Variants in SLC9B2 observed in about 807,000 individuals in gnomAD.
SLC9B2 encodes the protein solute carrier family 9 member B2.
In SLC9B2, 39 loss-of-function variants were observed where a neutral mutation model predicts 52.2. The ratio of observed to expected loss-of-function variants is 0.75; its 90% CI spans 0.58 to 0.98. The LOEUF (loss-of-function observed/expected upper bound fraction) is 0.98, where lower values mean the gene tolerates loss of function less well. Ranked by LOEUF, SLC9B2 falls within the 50% of genes least tolerant of loss-of-function variation. The pLI, the probability that SLC9B2 is intolerant of heterozygous loss-of-function variation, is 0.00. For missense variants in SLC9B2, 626 were observed against 637.5 expected (o/e 0.98, Z 0.19); for synonymous variants, 214 against 227.0 (o/e 0.94, Z 0.51).
intron 7 of SLC9B2, among the ~76,000 whole-genome samples, chr4:103,045,904 T>C (rs891561907): frequency 7.2e-5 from 11 of 152,150 alleles, no homozygotes; most frequent in African/African-American, 2.4e-4. Flanking sequence ...GTTTTAAAGG[T>C]ATATACCAGG....
chr4:103,046,689 C>T (rs1306929079), intron 7 of SLC9B2, among the ~76,000 whole-genome samples: 3 of 149,034 alleles, frequency 2.0e-5, no homozygotes, highest in Non-Finnish European at 3.0e-5. Context: ...TGTGTGAAGT[C>T]TCCACACATC....
chr4:103,075,858 G>A (rs2110682144), intron 1 of SLC9B2, among the ~76,000 whole-genome samples: 1 of 152,232 alleles, frequency 6.6e-6, no homozygotes, highest in South Asian at 2.1e-4. Flanking sequence ...TTACTGAGAT[G>A]TTTTACTTTA....
intron 3 of SLC9B2, among the ~76,000 whole-genome samples, chr4:103,063,209 A>G (rs927789676): frequency 1.3e-5 from 2 of 152,228 alleles, no homozygotes; most frequent in East Asian, 3.8e-4. Flanking sequence ...AAAAATAATG[A>G]AAAGAACAGA....
intron 4 of SLC9B2, among the ~76,000 whole-genome samples, chr4:103,055,698 T>A (rs1426362892): frequency 6.6e-6 from 1 of 151,680 alleles, no homozygotes; most frequent in African/African-American, 2.4e-5. Context: ...TATATATGCA[T>A]GTATGAAAGG....
intron 6 of SLC9B2, 111 bp from the exon 7 acceptor site, chr4:103,047,337 T>A: frequency 1.7e-6 from 1 of 583,920 alleles, no homozygotes; most frequent in Non-Finnish European, 2.5e-6. Flanking sequence ...ACAGTCTTTC[T>A]TTTTTTTTTT....
chr4:103,037,709 T>C (rs1743296068), intron 9 of SLC9B2, among the ~76,000 whole-genome samples: 1 of 152,196 alleles, frequency 6.6e-6, no homozygotes, highest in Admixed American at 6.5e-5. Context: ...TTCTCATGTG[T>C]AGAACAAAAG....
chr4:103,033,553 C>T (rs1309128181), intron 9 of SLC9B2, among the ~76,000 whole-genome samples: 2 of 152,060 alleles, frequency 1.3e-5, no homozygotes, highest in African/African-American at 4.8e-5. Flanking sequence ...AGATACTATA[C>T]CTAGAAAACT....
In SLC9B2 at chr4:103,050,475, A is replaced by G. The variant is rs182833519; in HGVS notation, c.443-93T>C. 2,230 of 1,150,044 alleles carry G rather than the reference A, an allele frequency of 1.9e-3. 4 individuals are homozygous for G. The highest frequency in any genetic ancestry group is 4.9e-3 in the South Asian group (153 of 31,278). The allele number at this position is 1,150,044 out of a possible 1,614,324, so 71.2% of individuals were successfully genotyped here. ...TTTATACAGACTACTATATAATCCCAGGAACCACTTCACTTATGCTTAGAA... is the reference window on the plus strand; with the variant it reads ...TTTATACAGACTACTATATAATCCCGGGAACCACTTCACTTATGCTTAGAA... On this transcript the variant is annotated intron_variant, in intron 4 of 11. Transcript: ENST00000394785.
intron 1 of SLC9B2, among the ~76,000 whole-genome samples, chr4:103,070,616 A>G (rs1302142774): frequency 6.6e-6 from 1 of 151,966 alleles, no homozygotes. Flanking sequence ...AATTTTTTGT[A>G]TTTTTAGTAG....
At chr4:103,049,781 G>A (rs1296351348) in intron 5 of SLC9B2, among the ~76,000 whole-genome samples, 1 of 152,156 alleles carries the variant, frequency 6.6e-6, no homozygotes, top group African/African-American at 2.4e-5. Context: ...GGAGGGGGAA[G>A]CAGGCAGATC....
chr4:103,028,761 T>C lies in SLC9B2; in HGVS notation c.1378A>G (p.Lys460Glu), dbSNP rs753105696. 6.2e-7 allele frequency: 1 copy of C among 1,608,200 alleles called. No homozygotes were observed. Reference sequence around the variant, plus strand: ...ATCCATCATACCTGAACTGTGGCCTTTGGAAGCCATGCAAAAGAAATAAAT... The same window carrying C: ...ATCCATCATACCTGAACTGTGGCCTCTGGAAGCCATGCAAAAGAAATAAAT... ...KIFISFAWLPKATVQAAIGSV... is the reference protein window; with the variant it reads ...KIFISFAWLPEATVQAAIGSV... Residue 460 changes from lysine to glutamate, a missense_variant, in exon 11 of 12, where the codon AAG becomes GAG. Lys to Glu is a moderately conservative substitution (Grantham distance 56, BLOSUM62 1). Transcript: ENST00000394785.
Position 103,057,847 on chromosome 4 carries a change from C to T in SLC9B2, c.396G>A (p.Leu132=), listed in dbSNP as rs778035618. ...FYCAIIGGKL[L]GLIKLPTLPP... Reference sequence around the variant, plus strand: ...GCAATGTAGGTAACTTAATAAGCCCCAAAAGTTTACCACCAATGATGGCAC... The same window carrying T: ...GCAATGTAGGTAACTTAATAAGCCCTAAAAGTTTACCACCAATGATGGCAC... Residue 132 remains leucine, a synonymous_variant, in exon 4 of 12, where the codon TTG becomes TTA. Coordinates refer to ENST00000394785, the MANE Select transcript of SLC9B2 (RefSeq NM_178833.7). 26 of 1,613,520 alleles carry T rather than the reference C, an allele frequency of 1.6e-5. No homozygotes were observed. The highest frequency in any genetic ancestry group is 2.1e-5 in the Non-Finnish European group (25 of 1,179,918).
rs536397516 is a variant in SLC9B2, at chr4:103,027,962, T to C, written c.1392+785A>G. Among the ~76,000 whole-genome samples the C allele has an allele frequency of 2.7e-4, 41 of 152,294 alleles. No individual in the cohort carries two copies. The East Asian group carries it at 4.2e-3, about 16-fold the overall frequency. On this transcript the variant is annotated intron_variant, in intron 11 of 11. Coordinates refer to ENST00000394785, the MANE Select transcript of SLC9B2 (RefSeq NM_178833.7). ...GAAATTGGAATATTTAATTATAAAATAATCTGGGGCAAAACAGTTAAATGT... is the reference window on the plus strand; with the variant it reads ...GAAATTGGAATATTTAATTATAAAACAATCTGGGGCAAAACAGTTAAATGT...
At chr4:103,067,739 A>AT (rs1405808277) in intron 1 of SLC9B2, 147 bp from the exon 2 acceptor site, 21 of 567,102 alleles carry the variant, frequency 3.7e-5, no homozygotes, top group African/African-American at 9.5e-5. Flanking sequence ...ATGGCTGGTT[A>AT]TTGTTTTTGC....
intron 9 of SLC9B2, among the ~76,000 whole-genome samples, chr4:103,036,890 C>A (rs1331693918): frequency 6.6e-6 from 1 of 152,104 alleles, no homozygotes; most frequent in East Asian, 1.9e-4. Flanking sequence ...CTTACAATTA[C>A]ACAATTTAAG....
rs765652289 is a variant in SLC9B2, at chr4:103,047,257, T to A, written c.714-31A>T. ...CAGACAGCATTTTAAACATTTATGA[T>A]AACATCTTACTTATTACTATTTTGA... On this transcript the variant is annotated intron_variant, in intron 6 of 11. Coordinates refer to ENST00000394785, the MANE Select transcript of SLC9B2 (RefSeq NM_178833.7). The A allele has an allele frequency of 4.4e-6, 7 of 1,573,162 alleles. No homozygotes were observed. The Admixed American group carries it at 1.3e-4, about 28-fold the overall frequency.
Position 103,022,576 on chromosome 4 carries a change from A to C in SLC9B2, c.*3794T>G, listed in dbSNP as rs536801276. Among the ~76,000 whole-genome samples, 3 of 152,340 alleles carry C rather than the reference A, an allele frequency of 2.0e-5. No homozygotes were observed. The South Asian group carries it at 6.2e-4, about 32-fold the overall frequency. On this transcript the variant is annotated 3_prime_UTR_variant, in exon 12 of 12. Transcript: ENST00000394785. The stretch of plus-strand genomic sequence containing the variant: ...ATGTGTTACTTTATAATCAGAAAAA[A>C]ATACTATTTTTAAAGAATGTAGTGG...
intron 6 of SLC9B2, 129 bp downstream of exon 6, chr4:103,048,764 A>T (rs781220461): frequency 2.7e-6 from 3 of 1,131,498 alleles, no homozygotes; most frequent in Non-Finnish European, 3.6e-6. Flanking sequence ...TATTTAAATT[A>T]TGCTGTAACA....
At chr4:103,033,060 C>T (rs1264770988) in intron 9 of SLC9B2, among the ~76,000 whole-genome samples, 1 of 152,162 alleles carries the variant, frequency 6.6e-6, no homozygotes, top group Non-Finnish European at 1.5e-5. Flanking sequence ...TTTGATTTCT[C>T]TTTCCTCATA....
Sources: gnomAD v4.1 joint callset for allele counts (sites outside exome capture counted in the v4.1 genomes callset) on GRCh38, gnomAD v4.1.1 for gene constraint, MANE v1.5 for transcripts, NCBI Gene and HGNC (gene_info 2026-07-23, HGNC 2026-07-21) for gene names.